SOX6: variants seen among roughly 807,000 people sequenced by gnomAD.
SOX6 encodes transcription factor SOX-6.
A neutral mutation model predicts 97.8 loss-of-function variants in SOX6; 11 were observed. The ratio of observed to expected loss-of-function variants is 0.11; its 90% CI spans 0.07 to 0.19. SOX6 has a LOEUF of 0.19. Among genes scored for constraint, SOX6 ranks in the 10% least tolerant of loss-of-function variants. The pLI is 1.00. For synonymous variants in SOX6, 360 were observed against 371.4 expected, an observed-to-expected ratio of 0.97 and a Z score of 0.35; for missense variants, 810 against 1,039.5, an observed-to-expected ratio of 0.78 and a Z score of 3.04.
chr11:16,575,451 G>A (rs534571499), intron 4 of SOX6, among the ~76,000 whole-genome samples: 13 of 152,186 alleles, frequency 8.5e-5, no homozygotes, highest in Non-Finnish European at 1.6e-4. Flanking sequence ...GCAAAAAAAG[G>A]TTTATAGCAG....
chr11:16,177,325 T>C (rs1589999422), intron 6 of SOX6, among the ~76,000 whole-genome samples: 1 of 152,068 alleles, frequency 6.6e-6, no homozygotes, highest in South Asian at 2.1e-4. Context: ...GAATGTTTAA[T>C]ACAACTCTTA....
At chr11:16,155,924 C>A (rs568499488) in intron 6 of SOX6, among the ~76,000 whole-genome samples, 26 of 152,134 alleles carry the variant, frequency 1.7e-4, no homozygotes, top group African/African-American at 5.1e-4. Flanking sequence ...CCCTGAATAT[C>A]CAAATCCCAT....
At chr11:16,330,139 G>C (rs1248800834) in intron 2 of SOX6, among the ~76,000 whole-genome samples, 1 of 152,078 alleles carries the variant, frequency 6.6e-6, no homozygotes, top group East Asian at 1.9e-4. Context: ...TGAACAACAA[G>C]AATTAAGACA....
chr11:16,157,154 T>C (rs554292973), intron 6 of SOX6, among the ~76,000 whole-genome samples: 1 of 152,142 alleles, frequency 6.6e-6, no homozygotes, highest in East Asian at 1.9e-4. Flanking sequence ...ATTCTATAGA[T>C]TTATTTCCTC....
At chr11:16,393,126 C>T (rs773487267) in intron 1 of SOX6, among the ~76,000 whole-genome samples, 5 of 151,974 alleles carry the variant, frequency 3.3e-5, no homozygotes, top group Non-Finnish European at 7.4e-5. Flanking sequence ...TTGAGTCTAG[C>T]GCTCCACAGT....
rs1437782380 is a variant in SOX6 at position 16,503,169 on chromosome 11, G to A, written n.610-26781C>T. On this transcript the variant is annotated intron_variant and non_coding_transcript_variant, in intron 4 of 5. Transcript: ENST00000524520. ...TCTTTTCTAGATAAGCAAAAACTGAGGGAATTCATCACCACAGGACAAGCT... is the reference window on the plus strand; with the variant it reads ...TCTTTTCTAGATAAGCAAAAACTGAAGGAATTCATCACCACAGGACAAGCT... 2.0e-5 allele frequency among the ~76,000 whole-genome samples: 3 copies of A among 151,850 alleles called. No individual in the cohort carries two copies. In the East Asian group the frequency reaches 5.8e-4, roughly 29 times the overall value.
Position 15,972,710 on chromosome 11 carries a change from T to C in SOX6, c.*99A>G. The C allele has an allele frequency of 1.6e-6, 2 of 1,268,824 alleles. No individual in the cohort carries two copies. Among genetic ancestry groups the C allele is most frequent in the Non-Finnish European group, 1.1e-6 (1 of 872,774 alleles). 78.6% of individuals were successfully genotyped at this position (1,268,824 alleles called of 1,614,324 possible). A position where few individuals can be genotyped will look rare whatever the true frequency, so the allele number is the denominator to read the frequency against. Reference sequence around the variant, plus strand: ...AACAATTAAGACCATTCTGCTGATGTAATTGTGGAGCCACAAATGCATGCG... The same window carrying C: ...AACAATTAAGACCATTCTGCTGATGCAATTGTGGAGCCACAAATGCATGCG... On this transcript the variant is annotated 3_prime_UTR_variant, in exon 16 of 16. Transcript: ENST00000683767.
intron 1 of SOX6, among the ~76,000 whole-genome samples, chr11:16,456,416 T>G (rs1859811496): frequency 6.6e-6 from 1 of 152,124 alleles, no homozygotes; most frequent in African/African-American, 2.4e-5. Context: ...ACCAGCATCC[T>G]GGAGGTAACA....
chr11:16,039,736 T>C (rs1855607850), intron 12 of SOX6, among the ~76,000 whole-genome samples: 1 of 152,072 alleles, frequency 6.6e-6, no homozygotes, highest in African/African-American at 2.4e-5. Flanking sequence ...AAAAATGGTA[T>C]TTATATTACT....
intron 12 of SOX6, among the ~76,000 whole-genome samples, chr11:16,021,106 G>A (rs1323224510): frequency 6.6e-6 from 1 of 152,102 alleles, no homozygotes; most frequent in Admixed American, 6.6e-5. Flanking sequence ...GATATTTTGA[G>A]TTTAACTTGG....
intron 3 of SOX6, among the ~76,000 whole-genome samples, chr11:16,675,909 GCT>G (rs780325891): frequency 6.6e-6 from 1 of 152,116 alleles, no homozygotes; most frequent in African/African-American, 2.4e-5. Context: ...TCTTGGTGTG[GCT>G]CTCTGTTATC....
chr11:16,109,400 A>C (rs913395160), intron 7 of SOX6, among the ~76,000 whole-genome samples: 1 of 151,986 alleles, frequency 6.6e-6, no homozygotes, highest in Non-Finnish European at 1.5e-5. Flanking sequence ...AGGGCTCACT[A>C]TGTTGTCCAG....
chr11:16,179,413 A>G (rs1009610721), intron 6 of SOX6, among the ~76,000 whole-genome samples: 1 of 151,964 alleles, frequency 6.6e-6, no homozygotes, highest in Non-Finnish European at 1.5e-5. Flanking sequence ...AAAGATAATC[A>G]TATATGCTTA....
chr11:16,341,718 G>A (rs948272032), intron 1 of SOX6, among the ~76,000 whole-genome samples: 1 of 151,950 alleles, frequency 6.6e-6, no homozygotes, highest in Non-Finnish European at 1.5e-5. Flanking sequence ...CAAAAGAAGG[G>A]GGATATGTAG....
chr11:16,661,634 A>G (rs1355456511), intron 3 of SOX6, among the ~76,000 whole-genome samples: 1 of 152,006 alleles, frequency 6.6e-6, no homozygotes, highest in Non-Finnish European at 1.5e-5. Flanking sequence ...CACAGCCTCA[A>G]ACTCCTAGAC....
chr11:16,258,501 G>GA lies in SOX6; in HGVS notation c.446-23831dup, dbSNP rs1218246007. On this transcript the variant is annotated intron_variant, in intron 3 of 15. Transcript: ENST00000683767. The stretch of plus-strand genomic sequence containing the variant: ...AATATCCAAACTATCTGGCATTCTA[G>GA]AAAAAATAAAACTATGAAGATATTA... 2.6e-5 allele frequency among the ~76,000 whole-genome samples: 4 copies of GA among 151,954 alleles called. No individual in the cohort carries two copies. In the South Asian group the frequency reaches 6.2e-4, roughly 24 times the overall value.
intron 1 of SOX6, among the ~76,000 whole-genome samples, chr11:16,462,674 C>A (rs763143420): frequency 2.8e-4 from 42 of 152,098 alleles, no homozygotes; most frequent in Non-Finnish European, 4.6e-4. Flanking sequence ...GCTAAAAGAC[C>A]AAACCAAGCC....
intron 3 of SOX6, among the ~76,000 whole-genome samples, chr11:16,707,206 TAGTC>T (rs756161986): frequency 8.5e-5 from 13 of 152,144 alleles, no homozygotes; most frequent in Non-Finnish European, 1.6e-4. Context: ...TAAAATAAAT[TAGTC>T]AGTTTTTCCA....
At chr11:16,170,530 C>T (rs1052719090) in intron 6 of SOX6, among the ~76,000 whole-genome samples, 10 of 151,994 alleles carry the variant, frequency 6.6e-5, no homozygotes, top group African/African-American at 2.4e-4. Context: ...TTAGAATACT[C>T]ATTTTGTAAA....
Sources: gnomAD v4.1 joint callset for allele counts (sites outside exome capture counted in the v4.1 genomes callset) on GRCh38, gnomAD v4.1.1 for gene constraint, MANE v1.5 for transcripts, NCBI Gene and HGNC (gene_info 2026-07-23, HGNC 2026-07-21) for gene names.